Variants in SCRG1 observed in about 807,000 individuals in gnomAD.
SCRG1 encodes the protein scrapie-responsive protein 1.
In SCRG1, 3 loss-of-function variants were observed where a neutral mutation model predicts 7.7. The ratio of observed to expected loss-of-function variants is 0.39; its 90% confidence interval spans 0.18 to 1.01. The LOEUF (loss-of-function observed/expected upper bound fraction) is 1.01. Ranked by LOEUF, SCRG1 falls within the 50% of genes least tolerant of loss-of-function variation. SCRG1 has a pLI of 0.36. For missense variants in SCRG1, 110 were observed against 117.2 expected (o/e 0.94, Z 0.28); for synonymous variants, 46 against 41.2 (o/e 1.12, Z -0.44).
chr4:173,466,304 T>C, the SCRG1 span, among the ~76,000 whole-genome samples: 3 of 152,190 alleles, frequency 2.0e-5, no homozygotes, highest in African/African-American at 7.2e-5. Flanking sequence ...TTGAATAGTG[T>C]CGGCTGGAAT....
At chr4:173,422,887 C>G in the SCRG1 span, among the ~76,000 whole-genome samples, 1 of 152,008 alleles carries the variant, frequency 6.6e-6, no homozygotes, top group South Asian at 2.1e-4. Context: ...AAGCTGGAAA[C>G]AAAAGGAAAA....
chr4:173,419,689 G>A, the SCRG1 span: 2 of 830,276 alleles, frequency 2.4e-6, no homozygotes, highest in South Asian at 1.3e-5. Context: ...CTCCCTTCGG[G>A]GCACCAAACA....
intron 2 of SCRG1, among the ~76,000 whole-genome samples, chr4:173,390,472 G>GT (rs1157046793): frequency 0.011 from 1,224 of 115,422 alleles, 8 homozygotes; most frequent in African/African-American, 0.015. Flanking sequence ...GTTGTTGTTC[G>GT]TTTTTTTTTT....
chr4:173,484,948 T>G, the SCRG1 span, among the ~76,000 whole-genome samples: 2 of 62,468 alleles, frequency 3.2e-5, no homozygotes, highest in Non-Finnish European at 5.3e-5. Flanking sequence ...ATATATTATA[T>G]ATAATATTAT....
intron 1 of SCRG1, among the ~76,000 whole-genome samples, chr4:173,395,641 C>G (rs1255720422): frequency 6.6e-6 from 1 of 152,238 alleles, no homozygotes; most frequent in Non-Finnish European, 1.5e-5. Context: ...GACAATACTA[C>G]TCTCATAGCT....
chr4:173,475,696 A>G, the SCRG1 span, among the ~76,000 whole-genome samples: 147,407 of 152,318 alleles, frequency 0.97, 71,541 homozygotes, highest in Non-Finnish European at 1. Context: ...CAAGCCAAGT[A>G]TCAATCATTG....
At chr4:173,491,601 A>C in the SCRG1 span, among the ~76,000 whole-genome samples, 1 of 152,194 alleles carries the variant, frequency 6.6e-6, no homozygotes, top group Non-Finnish European at 1.5e-5. Context: ...CCTGAGTAAT[A>C]TCTGCAAGTA....
At chr4:173,447,958 G>C in the SCRG1 span, among the ~76,000 whole-genome samples, 1 of 152,156 alleles carries the variant, frequency 6.6e-6, no homozygotes, top group Non-Finnish European at 1.5e-5. Flanking sequence ...TACAAAATTA[G>C]CTGGGCATGG....
chr4:173,389,273 G>A (rs533086944), intron 2 of SCRG1, among the ~76,000 whole-genome samples: 4 of 152,052 alleles, frequency 2.6e-5, no homozygotes, highest in East Asian at 3.9e-4. Context: ...AGTGGTTCAC[G>A]CCTGTAATCC....
At chr4:173,410,506 A>G (rs2126927791), upstream of SCRG1, among the ~76,000 whole-genome samples, 1 of 152,362 alleles carries the variant, frequency 6.6e-6, no homozygotes, top group African/African-American at 2.4e-5. Context: ...CACATGGACC[A>G]CTGAAACAAG....
At chr4:173,442,089 A>G in the SCRG1 span, among the ~76,000 whole-genome samples, 12,324 of 152,250 alleles carry the variant, frequency 0.081, 586 homozygotes, top group Non-Finnish European at 0.097. Flanking sequence ...GCAGGAAGAA[A>G]TATTTCGGAT....
At chr4:173,502,508 C>G in the SCRG1 span, among the ~76,000 whole-genome samples, 2 of 152,138 alleles carry the variant, frequency 1.3e-5, no homozygotes, top group African/African-American at 4.8e-5. This position sits in a 1 kb window ranked among gnomAD's most constrained non-coding sequence, Gnocchi z 4.6. Flanking sequence ...TTCCGCTCTC[C>G]GTTGCCTGGC....
At chr4:173,440,719 C>T in the SCRG1 span, among the ~76,000 whole-genome samples, 3 of 152,268 alleles carry the variant, frequency 2.0e-5, no homozygotes, top group South Asian at 2.1e-4. Flanking sequence ...GTTCTGGAGA[C>T]TGGAAGTTCA....
chr4:173,476,363 A>AAAAAAATATATATATATATATATATAT, the SCRG1 span, among the ~76,000 whole-genome samples: 83 of 98,460 alleles, frequency 8.4e-4, 1 homozygote, highest in South Asian at 4.7e-3. Flanking sequence ...GGAAAAAAAA[A>AAAAAAATATATATATATATATATATAT]ATATATATAT....
At chr4:173,410,985 G>A (rs999379519), upstream of SCRG1, among the ~76,000 whole-genome samples, 1 of 152,142 alleles carries the variant, frequency 6.6e-6, no homozygotes, top group Non-Finnish European at 1.5e-5. Flanking sequence ...TAATCATGTT[G>A]CTCTAGTGAC....
chr4:173,450,560 C>A, the SCRG1 span, among the ~76,000 whole-genome samples: 2 of 152,130 alleles, frequency 1.3e-5, no homozygotes. Flanking sequence ...CAGTTGGTTA[C>A]TTTGCCTCTT....
chr4:173,498,204 T>C, the SCRG1 span, among the ~76,000 whole-genome samples: 56 of 152,364 alleles, frequency 3.7e-4, 1 homozygote, highest in African/African-American at 9.9e-4. Context: ...CTTGCTGCTG[T>C]ACTTCTCATT....
the SCRG1 span, among the ~76,000 whole-genome samples, chr4:173,452,670 AT>A: frequency 6.6e-6 from 1 of 151,872 alleles, no homozygotes; most frequent in East Asian, 1.9e-4. Context: ...GCACACATGT[AT>A]TTTTTTTAAA....
chr4:173,438,737 T>C, the SCRG1 span, among the ~76,000 whole-genome samples: 1 of 152,102 alleles, frequency 6.6e-6, no homozygotes, highest in Non-Finnish European at 1.5e-5. Context: ...TTCAGTTTTT[T>C]TTTTCTTTCA....
Sources: gnomAD v4.1 joint callset for allele counts (sites outside exome capture counted in the v4.1 genomes callset) on GRCh38, gnomAD v4.1.1 for gene constraint, Gnocchi (gnomAD v3.1) non-coding constraint, MANE v1.5 for transcripts, NCBI Gene and HGNC (gene_info 2026-07-23, HGNC 2026-07-21) for gene names.